SMOX: variants seen among roughly 807,000 people sequenced by gnomAD.
SMOX encodes the protein spermine oxidase.
A neutral mutation model predicts 51.0 loss-of-function variants in SMOX; 22 were observed. The ratio of observed to expected loss-of-function variants is 0.43; its 90% CI spans 0.31 to 0.62. SMOX has a LOEUF of 0.62. SMOX is among the 20% of genes least tolerant of loss of function. The pLI is 0.10. For missense variants in SMOX, 566 were observed against 777.7 expected, an observed-to-expected ratio of 0.73 and a Z score of 3.24; for synonymous variants, 282 against 307.8, an observed-to-expected ratio of 0.92 and a Z score of 0.88.
intron 1 of SMOX, among the ~76,000 whole-genome samples, chr20:4,168,226 C>T (rs1017641429): frequency 2.0e-5 from 3 of 152,062 alleles, no homozygotes; most frequent in Admixed American, 6.6e-5. Flanking sequence ...CAAGGCTGGT[C>T]GGGGGCAAGT....
intron 1 of SMOX, among the ~76,000 whole-genome samples, chr20:4,158,082 A>C (rs536224571): frequency 6.1e-5 from 9 of 148,204 alleles, no homozygotes; most frequent in African/African-American, 2.0e-4. Flanking sequence ...TTGTATTTTT[A>C]GTAGAGATGG....
chr20:4,177,431 G>A lies in SMOX; in HGVS notation c.289G>A (p.Gly97Ser), dbSNP rs377708564. 2.3e-5 allele frequency: 36 copies of A among 1,563,638 alleles called. No homozygotes were observed. In the East Asian group the frequency reaches 4.0e-4, roughly 17 times the overall value. Reference protein sequence around the residue: ...NPIYHLAEANGLLEETTDGER... With the variant: ...NPIYHLAEANSLLEETTDGER... ...TATCTATCATCTAGCAGAAGCCAACGGCCTCCTGGAAGAGACAACCGATGG... is the reference window on the plus strand; with the variant it reads ...TATCTATCATCTAGCAGAAGCCAACAGCCTCCTGGAAGAGACAACCGATGG... The change falls in exon 3 of 7, where the codon GGC (glycine) becomes AGC (serine). Residue 97 changes from glycine to serine, a missense_variant. Gly to Ser is a moderately conservative substitution (Grantham distance 56, BLOSUM62 0). Coordinates refer to ENST00000305958, the MANE Select transcript of SMOX (RefSeq NM_175839.3). This position sits in a 1 kb window ranked among gnomAD's most constrained non-coding sequence, Gnocchi z 4.3.
rs1444724699 is a variant in SMOX, at chr20:4,170,166, G to A, written c.-26-4864G>A. Among the ~76,000 whole-genome samples, 1 of 151,706 alleles carries A rather than the reference G, an allele frequency of 6.6e-6. No homozygotes were observed. Among genetic ancestry groups the A allele is most frequent in the Non-Finnish European group, 1.5e-5 (1 of 67,934 alleles). On this transcript the variant is annotated intron_variant, in intron 1 of 6. Transcript: ENST00000305958. This position sits in a 1 kb window ranked among gnomAD's most constrained non-coding sequence, Gnocchi z 4.6. ...TCACATAGAGGAGGCGGGGTGGGGG[G>A]GTGCTTCTGGCGCAGTTGGGGGTGG...
rs539048041 is a variant in SMOX, at chr20:4,149,967, C to A, written c.-27+990C>A. On this transcript the variant is annotated intron_variant, in intron 1 of 6. Coordinates refer to ENST00000305958, the MANE Select transcript of SMOX (RefSeq NM_175839.3). The surrounding 1 kb of genome is among the most constrained non-coding windows in gnomAD (Gnocchi z 6.0). ...CATTTGCATTCGGCCACCACTGCCC[C>A]CTGGCCTCTTGTTAGGCGGAGAGGG... 2.0e-5 allele frequency among the ~76,000 whole-genome samples: 3 copies of A among 152,264 alleles called. No homozygotes were observed. The highest frequency in any genetic ancestry group is 4.1e-4 in the South Asian group (2 of 4,822).
chr20:4,157,178 G>C (rs1357869930), intron 1 of SMOX, among the ~76,000 whole-genome samples: 1 of 152,178 alleles, frequency 6.6e-6, no homozygotes, highest in Non-Finnish European at 1.5e-5. Context: ...AAGCCTCTCT[G>C]TGCCTCCGTT....
At position 4,181,483 on chromosome 20, in the gene SMOX, T is replaced by A. The variant is rs1305437025; in HGVS notation, c.436-320T>A. 6.6e-6 allele frequency among the ~76,000 whole-genome samples: 1 copy of A among 152,158 alleles called. No homozygotes were observed. The highest frequency in any genetic ancestry group is 2.1e-4 in the South Asian group (1 of 4,834). Reference sequence around the variant, plus strand: ...GGGAGGTGGAGCCCATGGAGGCCCATGCAGAGTCCATGAGGGGTGGCTTCT... The same window carrying A: ...GGGAGGTGGAGCCCATGGAGGCCCAAGCAGAGTCCATGAGGGGTGGCTTCT... On this transcript the variant is annotated intron_variant, in intron 3 of 6. Coordinates refer to ENST00000305958, the MANE Select transcript of SMOX (RefSeq NM_175839.3). This position sits in a 1 kb window ranked among gnomAD's most constrained non-coding sequence, Gnocchi z 5.6.
intron 6 of SMOX, chr20:4,186,967 A>G: frequency 4.9e-6 from 3 of 613,012 alleles, no homozygotes. Flanking sequence ...AAGATGAGAA[A>G]AGCAAGGCTT....
chr20:4,169,201 T>C (rs1022815020), intron 1 of SMOX, among the ~76,000 whole-genome samples: 1 of 151,946 alleles, frequency 6.6e-6, no homozygotes, highest in Non-Finnish European at 1.5e-5. Context: ...TAGGTCTCAC[T>C]ATGTTGTCCA....
At chr20:4,155,855 T>G (rs892713579) in intron 1 of SMOX, among the ~76,000 whole-genome samples, 2 of 151,862 alleles carry the variant, frequency 1.3e-5, no homozygotes, top group Non-Finnish European at 2.9e-5. Context: ...AGGGCAAAGG[T>G]TCCACTGCCC....
At chr20:4,184,069 T>A (rs1229893021) in intron 6 of SMOX, among the ~76,000 whole-genome samples, 2 of 151,848 alleles carry the variant, frequency 1.3e-5, no homozygotes, top group Non-Finnish European at 2.9e-5. Flanking sequence ...AGCCTTGACC[T>A]CCTGGGCTCA....
At position 4,177,172 on chromosome 20, in the gene SMOX, G is replaced by C. The variant is rs1978925241; in HGVS notation, c.209-179G>C. Among the ~76,000 whole-genome samples the C allele has an allele frequency of 6.6e-6, 1 of 152,208 alleles. No individual in the cohort carries two copies. The highest frequency in any genetic ancestry group is 6.5e-5 in the Admixed American group (1 of 15,280). ...GTGGCAGTTATCTTAGCTATAAGGTGGTTTTCAGTGGGAACTTTTCACTGA... is the reference window on the plus strand; with the variant it reads ...GTGGCAGTTATCTTAGCTATAAGGTCGTTTTCAGTGGGAACTTTTCACTGA... On this transcript the variant is annotated intron_variant, in intron 2 of 6. Coordinates refer to ENST00000305958, the MANE Select transcript of SMOX (RefSeq NM_175839.3). This position sits in a 1 kb window ranked among gnomAD's most constrained non-coding sequence, Gnocchi z 4.3.
chr20:4,186,205 G>A (rs975717029), intron 6 of SMOX, among the ~76,000 whole-genome samples: 1 of 152,190 alleles, frequency 6.6e-6, no homozygotes, highest in Admixed American at 6.5e-5. Flanking sequence ...TACTTAGGAG[G>A]CTTAGATGGG....
At chr20:4,154,300 AGCTTGTTAAAAT>A (rs1299755600) in intron 1 of SMOX, among the ~76,000 whole-genome samples, 11 of 152,210 alleles carry the variant, frequency 7.2e-5, no homozygotes, top group African/African-American at 2.7e-4. Flanking sequence ...TCACCTAGGC[AGCTTGTTAAAAT>A]GCATGTCTGT....
chr20:4,187,266 G>A lies in SMOX; in HGVS notation c.1531-4G>A, dbSNP rs532890211. On this transcript the variant is annotated splice_region_variant and splice_polypyrimidine_tract_variant and intron_variant, in intron 6 of 6. Coordinates refer to ENST00000305958, the MANE Select transcript of SMOX (RefSeq NM_175839.3). This position sits in a 1 kb window ranked among gnomAD's most constrained non-coding sequence, Gnocchi z 4.8. ...ACCCTGACCTCCCCATCCCCGCCCCGCAGCCCATGCAGGTGCTGTTTTCCG... is the reference window on the plus strand; with the variant it reads ...ACCCTGACCTCCCCATCCCCGCCCCACAGCCCATGCAGGTGCTGTTTTCCG... 27 of 1,611,976 alleles carry A rather than the reference G, an allele frequency of 1.7e-5. No homozygotes were observed. The highest frequency in any genetic ancestry group is 4.5e-5 in the East Asian group (2 of 44,836).
intron 1 of SMOX, among the ~76,000 whole-genome samples, chr20:4,160,401 T>C (rs1986250791): frequency 6.6e-6 from 1 of 152,108 alleles, no homozygotes; most frequent in Non-Finnish European, 1.5e-5. Context: ...GGAGGCTGAG[T>C]AGGGGGGCCT....
chr20:4,179,994 A>G (rs981187338), intron 3 of SMOX, among the ~76,000 whole-genome samples: 1 of 152,168 alleles, frequency 6.6e-6, no homozygotes, highest in Non-Finnish European at 1.5e-5. Flanking sequence ...ATGTCGATGG[A>G]CTAAATTCAT....
chr20:4,183,562 G>A lies in SMOX; in HGVS notation c.1438G>A (p.Gly480Ser), dbSNP rs760556639. The A allele has an allele frequency of 3.1e-6, 5 of 1,613,990 alleles. No homozygotes were observed. Among genetic ancestry groups the A allele is most frequent in the Non-Finnish European group, 4.2e-6 (5 of 1,179,918 alleles). Residue 480 changes from glycine (G) to serine (S), a missense_variant, in exon 6 of 7, where the codon GGC (glycine) becomes AGC (serine). Transcript: ENST00000305958. This position sits in a 1 kb window ranked among gnomAD's most constrained non-coding sequence, Gnocchi z 4.3. Reference sequence around the variant, plus strand: ...CTGGGGCAGCAACCCTTACTTCCGCGGCTCCTATTCATACACGCAGGTGGG... The same window carrying A: ...CTGGGGCAGCAACCCTTACTTCCGCAGCTCCTATTCATACACGCAGGTGGG... ...SAWGSNPYFR[G>S]SYSYTQVGSS...
chr20:4,150,095 G>C (rs888652792), intron 1 of SMOX, among the ~76,000 whole-genome samples: 1 of 152,156 alleles, frequency 6.6e-6, no homozygotes, highest in African/African-American at 2.4e-5. Context: ...GTTAGAAGTG[G>C]CTTCTATTCC....
intron 1 of SMOX, chr20:4,171,729 A>C (rs1978404160): frequency 6.6e-6 from 1 of 152,226 alleles, no homozygotes; most frequent in Non-Finnish European, 1.5e-5. Context: ...CTGATCTTGG[A>C]GGCAGAGTGG....
Sources: gnomAD v4.1 joint callset for allele counts (sites outside exome capture counted in the v4.1 genomes callset) on GRCh38, gnomAD v4.1.1 for gene constraint, Gnocchi (gnomAD v3.1) non-coding constraint, MANE v1.5 for transcripts, NCBI Gene and HGNC (gene_info 2026-07-23, HGNC 2026-07-21) for gene names.